Variants in EPHA5 observed in about 807,000 individuals in gnomAD.
EPHA5 encodes the protein ephrin type-A receptor 5.
In EPHA5, 60 loss-of-function variants were observed where a neutral mutation model predicts 105.0. The observed-to-expected ratio is 0.57, with a 90% CI of 0.46 to 0.71. The LOEUF (loss-of-function observed/expected upper bound fraction) is 0.71. EPHA5 is among the 30% of genes least tolerant of loss of function. The pLI, the probability that EPHA5 is intolerant of heterozygous loss-of-function variation, is 0.00. For missense variants in EPHA5, 1,218 were observed against 1,274.7 expected (o/e 0.96, Z 0.68); for synonymous variants, 513 against 449.1 (o/e 1.14, Z -1.80).
At chr4:65,591,924 A>T (rs1742703936) in intron 3 of EPHA5, among the ~76,000 whole-genome samples, 1 of 152,160 alleles carries the variant, frequency 6.6e-6, no homozygotes, top group African/African-American at 2.4e-5. Flanking sequence ...AAAAACATAA[A>T]AATTCTTCAT....
chr4:65,636,395 C>A (rs959059215), intron 2 of EPHA5, among the ~76,000 whole-genome samples: 8 of 152,066 alleles, frequency 5.3e-5, no homozygotes, highest in African/African-American at 1.9e-4. Flanking sequence ...GAAAACCTAA[C>A]CATTTAGAGT....
chr4:65,576,179 G>A (rs1202988555), intron 3 of EPHA5, among the ~76,000 whole-genome samples: 2 of 150,500 alleles, frequency 1.3e-5, no homozygotes, highest in South Asian at 2.1e-4. Flanking sequence ...AGGAAGGAAG[G>A]AAGGAAGGAA....
intron 3 of EPHA5, among the ~76,000 whole-genome samples, chr4:65,537,012 G>A (rs1008593697): frequency 2.6e-5 from 4 of 151,576 alleles, no homozygotes; most frequent in Non-Finnish European, 5.9e-5. Context: ...ACTCTAATTG[G>A]GTCAGACTAT....
chr4:65,620,959 G>C (rs576561723), intron 2 of EPHA5, among the ~76,000 whole-genome samples: 1 of 152,230 alleles, frequency 6.6e-6, no homozygotes, highest in Non-Finnish European at 1.5e-5. Context: ...TGAACATTCA[G>C]AGTTGCATGC....
chr4:65,457,669 G>T (rs1254371150), intron 5 of EPHA5, among the ~76,000 whole-genome samples: 1 of 151,884 alleles, frequency 6.6e-6, no homozygotes, highest in Admixed American at 6.6e-5. Context: ...TTTGGTCAAT[G>T]AAGAGTCGTG....
chr4:65,454,478 G>A (rs1028152498), intron 5 of EPHA5, among the ~76,000 whole-genome samples: 11 of 152,170 alleles, frequency 7.2e-5, no homozygotes, highest in African/African-American at 2.6e-4. Context: ...TCTATTTAAA[G>A]GCAAAGAATA....
At chr4:65,459,300 C>T (rs1049852551) in intron 5 of EPHA5, among the ~76,000 whole-genome samples, 10 of 151,962 alleles carry the variant, frequency 6.6e-5, no homozygotes, top group Admixed American at 2.6e-4. Context: ...TCATCAATAA[C>T]ATGGAAACTA....
Position 65,495,451 on chromosome 4 carries a change from A to G in EPHA5, c.1003T>C (p.Ser335Pro), listed in dbSNP as rs1256844318. 2 of 1,613,884 alleles carry G rather than the reference A, an allele frequency of 1.2e-6. No individual in the cohort carries two copies. Among genetic ancestry groups the G allele is most frequent in the South Asian group, 2.2e-5 (2 of 91,064 alleles). ...HSYTHEEAST[S>P]CVCEKDYFRR... ...AAATAATCCTTTTCACAGACACAAG[A>G]GGTTGAAGCTTCCTCATGGGTATAA... Residue 335 changes from serine (S) to proline (P), a missense_variant, in exon 4 of 17, where the codon TCT becomes CCT. Ser to Pro is a moderately conservative substitution (Grantham distance 74). Coordinates refer to ENST00000613740, the MANE Select transcript of EPHA5 (RefSeq NM_001281766.3).
At chr4:65,431,742 T>G (rs1187837613) in intron 5 of EPHA5, among the ~76,000 whole-genome samples, 1 of 152,158 alleles carries the variant, frequency 6.6e-6, no homozygotes, top group African/African-American at 2.4e-5. Context: ...GGAAAAGTAT[T>G]AGATATCACA....
intron 2 of EPHA5, among the ~76,000 whole-genome samples, chr4:65,612,045 GAAAAGA>G (rs1560772593): frequency 1.9e-5 from 2 of 104,262 alleles, no homozygotes; most frequent in Non-Finnish European, 3.9e-5. Context: ...AAAAAGGAAA[GAAAAGA>G]AAAGAAAAGA....
intron 11 of EPHA5, among the ~76,000 whole-genome samples, chr4:65,360,115 T>A (rs1717132424): frequency 6.6e-6 from 1 of 151,624 alleles, no homozygotes; most frequent in Admixed American, 6.6e-5. Flanking sequence ...TGTTCAAGCC[T>A]TATCTAAGTA....
intron 16 of EPHA5, among the ~76,000 whole-genome samples, chr4:65,326,047 T>A (rs1165937991): frequency 6.7e-6 from 1 of 148,246 alleles, no homozygotes; most frequent in East Asian, 2.0e-4. Flanking sequence ...TATATGTATA[T>A]ATATGTATAT....
intron 2 of EPHA5, among the ~76,000 whole-genome samples, chr4:65,615,134 T>C (rs1207866305): frequency 1.3e-5 from 2 of 151,870 alleles, no homozygotes; most frequent in Non-Finnish European, 2.9e-5. Flanking sequence ...CTAAATTCAT[T>C]ATCAGAAGCT....
At chr4:65,454,057 G>C (rs1346767185) in intron 5 of EPHA5, among the ~76,000 whole-genome samples, 1 of 152,128 alleles carries the variant, frequency 6.6e-6, no homozygotes, top group East Asian at 1.9e-4. Context: ...AAGGCGGGCG[G>C]ATCACCTGAG....
At chr4:65,625,484 C>G (rs907443030) in intron 2 of EPHA5, among the ~76,000 whole-genome samples, 2 of 152,106 alleles carry the variant, frequency 1.3e-5, no homozygotes, top group African/African-American at 4.8e-5. Context: ...TCAACTGATG[C>G]CAGCTATCAC....
chr4:65,514,005 TTCTTTA>T (rs555188930), intron 3 of EPHA5, among the ~76,000 whole-genome samples: 162 of 152,278 alleles, frequency 1.1e-3, no homozygotes, highest in African/African-American at 3.7e-3. Flanking sequence ...CAGTAAATTC[TTCTTTA>T]TCTATAATCT....
intron 3 of EPHA5, among the ~76,000 whole-genome samples, chr4:65,557,295 C>T (rs112211103): frequency 5.9e-4 from 81 of 137,798 alleles, no homozygotes; most frequent in Admixed American, 1.4e-3. Context: ...ATCTTATTAA[C>T]GTTTGGGCAC....
At chr4:65,387,603 C>T (rs1171172224) in intron 8 of EPHA5, among the ~76,000 whole-genome samples, 1 of 151,910 alleles carries the variant, frequency 6.6e-6, no homozygotes, top group South Asian at 2.1e-4. Context: ...CCCACTACTT[C>T]CCAAATTACT....
intron 3 of EPHA5, among the ~76,000 whole-genome samples, chr4:65,515,712 A>G (rs1292397437): frequency 6.6e-6 from 1 of 152,100 alleles, no homozygotes; most frequent in Non-Finnish European, 1.5e-5. Flanking sequence ...TTACTTGTCA[A>G]TTTAACTGGG....
Sources: allele counts gnomAD v4.1 joint callset (sites outside exome capture counted in the v4.1 genomes callset), GRCh38; gene constraint gnomAD v4.1.1; transcripts MANE v1.5; gene names NCBI Gene and HGNC (gene_info 2026-07-23, HGNC 2026-07-21).